CD22: variants seen among roughly 807,000 people sequenced by gnomAD.
CD22 encodes the protein B-cell receptor CD22.
A neutral mutation model predicts 94.7 loss-of-function variants in CD22; 51 were observed. That is an observed-to-expected ratio of 0.54 (90% CI 0.43 to 0.68). The LOEUF (loss-of-function observed/expected upper bound fraction) is 0.68, where lower values mean the gene tolerates loss of function less well. CD22 is among the 30% of genes least tolerant of loss of function. The pLI is 0.00. For missense variants in CD22, 931 were observed against 1,060.4 expected (o/e 0.88, Z 1.69); for synonymous variants, 424 against 422.5 (o/e 1.00, Z -0.04).
intron 9 of CD22, among the ~76,000 whole-genome samples, chr19:35,344,178 A>G (rs566669746): frequency 1.2e-3 from 177 of 142,350 alleles, no homozygotes; most frequent in African/African-American, 4.5e-3. Context: ...CCTGGGTGAA[A>G]GAGCGAGACT....
chr19:35,342,482 T>C (rs908655131), intron 9 of CD22, among the ~76,000 whole-genome samples: 1 of 152,128 alleles, frequency 6.6e-6, no homozygotes, highest in Admixed American at 6.5e-5. Context: ...TTTCCTCTCA[T>C]GCTCCTCTCT....
In CD22 at chr19:35,336,344, G is replaced by A; in HGVS notation, c.718+3G>A. The A allele has an allele frequency of 1.2e-6, 2 of 1,613,164 alleles. No individual in the cohort carries two copies. Among genetic ancestry groups the A allele is most frequent in the Non-Finnish European group, 1.7e-6 (2 of 1,179,300 alleles). On this transcript the variant is annotated splice_donor_region_variant and intron_variant, in intron 4 of 13. Transcript: ENST00000085219. ...CACGGTGCAGCTGAACGTGAAGCGT[G>A]AGTCTCCCCGGCATGCCTGTGGGAA...
chr19:35,331,982 G>A (rs1051073477), intron 1 of CD22, 37 bp from the exon 2 acceptor site: 79 of 1,613,276 alleles, frequency 4.9e-5, no homozygotes, highest in African/African-American at 6.7e-5. Context: ...AGAAGTAAGC[G>A]GCCAGATGGC....
chr19:35,331,795 G>A lies in CD22; in HGVS notation c.-22-224G>A, dbSNP rs149749412. 2.0e-3 allele frequency: 1,530 copies of A among 771,302 alleles called. 26 individuals are homozygous for A. The African/African-American group carries it at 0.024, about 12-fold the overall frequency. 47.8% of individuals were successfully genotyped at this position (771,302 alleles called of 1,614,324 possible). A position where few individuals can be genotyped will look rare whatever the true frequency, so the allele number is the denominator to read the frequency against. ...CTGGGAAGCAGAGGTTGCAGTGAGC[G>A]GAGATCACACCACTGCACTCTAGCC... On this transcript the variant is annotated intron_variant, in intron 1 of 13. Transcript: ENST00000085219.
At position 35,338,309 on chromosome 19, in the gene CD22, G is replaced by A; in HGVS notation, c.1127G>A (p.Arg376Lys). The change falls in exon 6 of 14, where the codon AGG (arginine) becomes AAG (lysine). Residue 376 changes from arginine (R) to lysine (K), a missense_variant. Arg to Lys is a conservative substitution (Grantham distance 26). Transcript: ENST00000085219. ...WYHNGKEMQGRTEEKVHIPKI... is the reference protein window; with the variant it reads ...WYHNGKEMQGKTEEKVHIPKI... ...CACAATGGGAAAGAAATGCAGGGAA[G>A]GACAGAGGAGAAAGTCCACATCCCA... 6.2e-7 allele frequency: 1 copy of A among 1,614,252 alleles called. No individual in the cohort carries two copies. Among genetic ancestry groups the A allele is most frequent in the Non-Finnish European group, 8.5e-7 (1 of 1,180,040 alleles).
At position 35,346,514 on chromosome 19, in the gene CD22, G is replaced by A. The variant is rs73585508; in HGVS notation, c.2413-52G>A. On this transcript the variant is annotated intron_variant, in intron 13 of 13. Coordinates refer to ENST00000085219, the MANE Select transcript of CD22 (RefSeq NM_001771.4). ...AGGAGAGAATGCGGAGAAAAGCGGC[G>A]GTGGAGGCTGGCGACAGTGGGGCCA... 2.5e-3 allele frequency: 3,944 copies of A among 1,567,630 alleles called. 78 individuals are homozygous for A. The African/African-American group carries it at 0.044, about 18-fold the overall frequency.
intron 6 of CD22, among the ~76,000 whole-genome samples, chr19:35,340,033 G>A (rs776878214): frequency 2.6e-4 from 39 of 152,260 alleles, no homozygotes; most frequent in South Asian, 2.3e-3. Context: ...TTGTTACCAT[G>A]TAGAGCACAG....
intron 11 of CD22, 27 bp downstream of exon 11, chr19:35,345,153 C>T (rs373505671): frequency 2.2e-4 from 349 of 1,604,516 alleles, no homozygotes; most frequent in Admixed American, 2.7e-4. Context: ...CACGATGGCT[C>T]ATGCCTGTAA....
In CD22 at chr19:35,337,005, C is replaced by T. The variant is rs1454911448; in HGVS notation, c.718+664C>T. 1.3e-5 allele frequency among the ~76,000 whole-genome samples: 2 copies of T among 151,886 alleles called. No homozygotes were observed. Among genetic ancestry groups the T allele is most frequent in the African/African-American group, 2.4e-5 (1 of 41,342 alleles). The stretch of plus-strand genomic sequence containing the variant: ...CTGTAATCCTAGCACTTTGGAAGGC[C>T]GAGGCGGGGGGATCACAAGGTCAGG... On this transcript the variant is annotated intron_variant, in intron 4 of 13. Transcript: ENST00000085219. The surrounding 1 kb of genome is among the most constrained non-coding windows in gnomAD (Gnocchi z 4.4).
chr19:35,332,638 C>T lies in CD22; in HGVS notation c.126C>T (p.Ile42=). 1 of 1,614,122 alleles carries T rather than the reference C, an allele frequency of 6.2e-7. No homozygotes were observed. Among genetic ancestry groups the T allele is most frequent in the Non-Finnish European group, 8.5e-7 (1 of 1,180,040 alleles). ...LYAWEGACVW[I]PCTYRALDGD... ...CCTGGGAGGGGGCCTGCGTCTGGAT[C>T]CCCTGCACCTACAGAGCCCTAGATG... The change falls in exon 3 of 14, where the codon ATC becomes ATT. Residue 42 remains isoleucine, a synonymous_variant. Coordinates refer to ENST00000085219, the MANE Select transcript of CD22 (RefSeq NM_001771.4).
At chr19:35,345,461 A>C in intron 11 of CD22, 141 bp from the exon 12 acceptor site, 2 of 605,324 alleles carry the variant, frequency 3.3e-6, no homozygotes, top group East Asian at 2.8e-5. Flanking sequence ...GGCATGAGGC[A>C]GACTGTGAAG....
rs1044371336 is a variant in CD22, at chr19:35,347,281, G to C, written c.*584G>C. The stretch of plus-strand genomic sequence containing the variant: ...CCTTGACTCTGGGGACTCCGGGTTT[G>C]AGATGGACACACTGGTGTGGATTAA... On this transcript the variant is annotated 3_prime_UTR_variant, in exon 14 of 14. Transcript: ENST00000085219. 6.5e-6 allele frequency: 1 copy of C among 152,790 alleles called. No individual in the cohort carries two copies. Among genetic ancestry groups the C allele is most frequent in the Non-Finnish European group, 1.5e-5 (1 of 68,452 alleles). The allele number at this position is 152,790 out of a possible 1,614,324, so 9.5% of individuals were successfully genotyped here. A position where few individuals can be genotyped will look rare whatever the true frequency, so the allele number is the denominator to read the frequency against.
At chr19:35,344,790 G>A (rs775680840) in intron 9 of CD22, 39 bp from the exon 10 acceptor site, 4 of 1,452,990 alleles carry the variant, frequency 2.8e-6, no homozygotes, top group African/African-American at 1.4e-5. Context: ...GGGAGAGCTG[G>A]CCCCTCAGTT....
rs1191606766 is a variant in CD22 at position 35,341,689 on chromosome 19, G to A, written c.1772-13G>A. ...TAGTGACTTCGCACCCCCTCCCCCT[G>A]CCCGCCATGCAGATGCACCCAGGAG... On this transcript the variant is annotated splice_polypyrimidine_tract_variant and intron_variant, in intron 8 of 13. Transcript: ENST00000085219. This position sits in a 1 kb window ranked among gnomAD's most constrained non-coding sequence, Gnocchi z 4.0. 1 of 1,607,118 alleles carries A rather than the reference G, an allele frequency of 6.2e-7. No individual in the cohort carries two copies. The highest frequency in any genetic ancestry group is 8.5e-7 in the Non-Finnish European group (1 of 1,177,110).
At chr19:35,333,565 C>G (rs188994402) in intron 3 of CD22, among the ~76,000 whole-genome samples, 5 of 151,900 alleles carry the variant, frequency 3.3e-5, no homozygotes, top group African/African-American at 1.2e-4. Flanking sequence ...CTTCCTTTCC[C>G]TTTTTATGAG....
intron 1 of CD22, chr19:35,330,444 C>A: frequency 6.6e-6 from 1 of 152,406 alleles, no homozygotes; most frequent in Non-Finnish European, 1.5e-5. Flanking sequence ...ACCTGCGGGG[C>A]TGATGTCAGC....
At chr19:35,331,970 G>A in intron 1 of CD22, 49 bp from the exon 2 acceptor site, 1 of 1,613,114 alleles carries the variant, frequency 6.2e-7, no homozygotes, top group Non-Finnish European at 8.5e-7. Context: ...AAGCCACGTG[G>A]AAGAAGTAAG....
Position 35,346,477 on chromosome 19 carries a change from C to T in CD22, c.2413-89C>T, listed in dbSNP as rs1446612340. The T allele has an allele frequency of 8.6e-6, 13 of 1,518,854 alleles. No homozygotes were observed. In the East Asian group the frequency reaches 9.9e-5, roughly 12 times the overall value. 94.1% of individuals were successfully genotyped at this position (1,518,854 alleles called of 1,614,324 possible). A position where few individuals can be genotyped will look rare whatever the true frequency, so the allele number is the denominator to read the frequency against. On this transcript the variant is annotated intron_variant, in intron 13 of 13. Coordinates refer to ENST00000085219, the MANE Select transcript of CD22 (RefSeq NM_001771.4). ...ACACCCGCCTGGGCTTTTGGACCCC[C>T]GGGTGGAATGAAGGAGAGAATGCGG...
At position 35,332,630 on chromosome 19, in the gene CD22, G is replaced by C; in HGVS notation, c.118G>C (p.Val40Leu). 2 of 1,614,068 alleles carry C rather than the reference G, an allele frequency of 1.2e-6. No individual in the cohort carries two copies. Among genetic ancestry groups the C allele is most frequent in the South Asian group, 1.1e-5 (1 of 91,074 alleles). The change falls in exon 3 of 14, where the codon GTC (valine) becomes CTC (leucine). Residue 40 changes from valine to leucine, a missense_variant. Val to Leu is a conservative substitution (Grantham distance 32). Transcript: ENST00000085219. ...CCTCTACGCCTGGGAGGGGGCCTGC[G>C]TCTGGATCCCCTGCACCTACAGAGC... ...ETLYAWEGACVWIPCTYRALD... is the reference protein window; with the variant it reads ...ETLYAWEGACLWIPCTYRALD...
Sources: allele counts gnomAD v4.1 joint callset (sites outside exome capture counted in the v4.1 genomes callset), GRCh38; gene constraint gnomAD v4.1.1; non-coding constraint Gnocchi (gnomAD v3.1); transcripts MANE v1.5; gene names NCBI Gene and HGNC (gene_info 2026-07-23, HGNC 2026-07-21).